Variants in NRXN3 observed in about 807,000 individuals in gnomAD.
NRXN3 encodes the protein neurexin III.
NRXN3 carries 32 observed loss-of-function variants against 137.6 expected under a neutral mutation model. The observed-to-expected ratio is 0.23, with a 90% CI of 0.18 to 0.31. The LOEUF is 0.31. Ranked by LOEUF, NRXN3 falls within the 10% of genes least tolerant of loss-of-function variation. The pLI is 1.00. For synonymous variants in NRXN3, 798 were observed against 784.5 expected, an observed-to-expected ratio of 1.02 and a Z score of -0.29; for missense variants, 1,574 against 2,062.5, an observed-to-expected ratio of 0.76 and a Z score of 4.59.
intron 14 of NRXN3, among the ~76,000 whole-genome samples, chr14:78,977,786 C>T (rs1404508129): frequency 3.3e-5 from 5 of 152,126 alleles, no homozygotes; most frequent in Non-Finnish European, 7.3e-5. Context: ...GGCACTGGCA[C>T]AGGAATTTCT....
intron 15 of NRXN3, among the ~76,000 whole-genome samples, chr14:79,329,842 AG>A (rs1218914862): frequency 1.5e-5 from 2 of 136,194 alleles, no homozygotes; most frequent in East Asian, 4.7e-4. Context: ...TGATCAAAAG[AG>A]TTTTTTTTTT....
intron 20 of NRXN3, among the ~76,000 whole-genome samples, chr14:79,859,000 A>T (rs995199856): frequency 2.9e-5 from 4 of 138,940 alleles, no homozygotes; most frequent in Admixed American, 1.5e-4. Flanking sequence ...AAAAAAAAAA[A>T]CAGGTGTCTG....
intron 6 of NRXN3, among the ~76,000 whole-genome samples, chr14:78,692,190 TA>T: frequency 6.6e-6 from 1 of 152,206 alleles, no homozygotes; most frequent in Non-Finnish European, 1.5e-5. Flanking sequence ...AATTAAGCTC[TA>T]AAGATTGAGG....
At chr14:78,512,038 A>G (rs1311659242) in intron 4 of NRXN3, among the ~76,000 whole-genome samples, 1 of 152,222 alleles carries the variant, frequency 6.6e-6, no homozygotes, top group Non-Finnish European at 1.5e-5. Flanking sequence ...ACTTATTGTC[A>G]TTATTAATAT....
intron 18 of NRXN3, among the ~76,000 whole-genome samples, chr14:79,696,933 G>A (rs192244361): frequency 1.1e-4 from 17 of 151,904 alleles, no homozygotes; most frequent in Non-Finnish European, 2.4e-4. Flanking sequence ...ATTTAGTTGT[G>A]GGACCATAAT....
chr14:79,262,001 A>G (rs2077679141), intron 15 of NRXN3, among the ~76,000 whole-genome samples: 1 of 152,078 alleles, frequency 6.6e-6, no homozygotes, highest in Non-Finnish European at 1.5e-5. Context: ...TGGAGCCCAG[A>G]TTATATTTCA....
At chr14:79,847,135 G>A (rs961887853) in intron 20 of NRXN3, among the ~76,000 whole-genome samples, 3 of 152,040 alleles carry the variant, frequency 2.0e-5, no homozygotes, top group African/African-American at 4.8e-5. Flanking sequence ...ACTGAGGCCC[G>A]GGCTACTCCA....
At position 79,376,214 on chromosome 14, in the gene NRXN3, GTATATATATATATATATATATATATA is replaced by G. The variant is rs1159913935; in HGVS notation, c.3263-90980_3263-90955del. ...CATGTGGGTGTGTGTGTGTGTGTAT[GTATATATATATATATATATATATATA>G]TATATATATATATATATATATATAT... On this transcript the variant is annotated intron_variant, in intron 15 of 20. Transcript: ENST00000335750. Among the ~76,000 whole-genome samples, 674 of 71,114 alleles carry G rather than the reference GTATATATATATATATATATATATATA, an allele frequency of 9.5e-3. 38 individuals are homozygous for G. In the East Asian group the frequency reaches 0.12, roughly 13 times the overall value. 46.7% of individuals were successfully genotyped at this position (71,114 alleles called of 152,430 possible). A position where few individuals can be genotyped will look rare whatever the true frequency, so the allele number is the denominator to read the frequency against.
intron 15 of NRXN3, among the ~76,000 whole-genome samples, chr14:79,018,150 C>G (rs555540223): frequency 2.1e-4 from 32 of 150,942 alleles, no homozygotes; most frequent in Admixed American, 4.6e-4. Context: ...ATCCCAGCTA[C>G]TCGGGAGGCT....
chr14:78,342,168 T>G (rs1366995581), intron 4 of NRXN3, among the ~76,000 whole-genome samples: 1 of 152,186 alleles, frequency 6.6e-6, no homozygotes, highest in Non-Finnish European at 1.5e-5. Flanking sequence ...GGGAGAGAGA[T>G]GTCACTGAGC....
chr14:78,455,653 C>A (rs1362151288), intron 4 of NRXN3, among the ~76,000 whole-genome samples: 14 of 152,132 alleles, frequency 9.2e-5, no homozygotes, highest in Admixed American at 8.5e-4. Context: ...CGTTTTTATT[C>A]TTTTCCAAGT....
intron 15 of NRXN3, among the ~76,000 whole-genome samples, chr14:79,112,417 C>T (rs2053687219): frequency 6.6e-6 from 1 of 152,214 alleles, no homozygotes; most frequent in South Asian, 2.1e-4. Context: ...ATATTGTGGA[C>T]AATAGATCTT....
intron 10 of NRXN3, among the ~76,000 whole-genome samples, chr14:78,935,556 A>T (rs2152887781): frequency 6.6e-6 from 1 of 152,322 alleles, no homozygotes; most frequent in Middle Eastern, 3.4e-3. Flanking sequence ...AATGCTATGT[A>T]CACAGTTGTT....
chr14:79,143,796 T>C (rs544073587), intron 15 of NRXN3, among the ~76,000 whole-genome samples: 86 of 152,306 alleles, frequency 5.6e-4, no homozygotes, highest in African/African-American at 1.8e-3. Context: ...ATTATTTATA[T>C]TAGCTAGATA....
At chr14:79,610,631 T>A (rs1257064830) in intron 16 of NRXN3, among the ~76,000 whole-genome samples, 1 of 152,190 alleles carries the variant, frequency 6.6e-6, no homozygotes, top group Non-Finnish European at 1.5e-5. Flanking sequence ...TACAGGTGCT[T>A]CATCAATATT....
chr14:79,352,664 A>G (rs879899162), intron 15 of NRXN3, among the ~76,000 whole-genome samples: 20 of 152,174 alleles, frequency 1.3e-4, no homozygotes, highest in Admixed American at 8.5e-4. Context: ...CCAAGATTTC[A>G]GAGCTAGACC....
At chr14:79,284,751 T>C (rs2081974031) in intron 15 of NRXN3, among the ~76,000 whole-genome samples, 1 of 152,036 alleles carries the variant, frequency 6.6e-6, no homozygotes, top group Non-Finnish European at 1.5e-5. Flanking sequence ...GTCCCAGGGA[T>C]CCACCCCCAA....
intron 16 of NRXN3, among the ~76,000 whole-genome samples, chr14:79,517,092 G>GCCCCC (rs35613259): frequency 8.0e-6 from 1 of 124,634 alleles, no homozygotes; most frequent in African/African-American, 3.4e-5. Context: ...CAAATGTACA[G>GCCCCC]CCCCCCCCCC....
rs369365783 is a variant in NRXN3, at chr14:79,774,942, A to ATG, written c.4015-30158_4015-30157dup. ...GGATTAAGTATGATATATATATAGT[A>ATG]TGTGTGTGTGTGTAGGTGTGTGTGT... On this transcript the variant is annotated intron_variant, in intron 19 of 20. Transcript: ENST00000335750. 7.8e-3 allele frequency among the ~76,000 whole-genome samples: 1,186 copies of ATG among 151,664 alleles called. 79 individuals are homozygous for ATG. The South Asian group carries it at 0.17, about 22-fold the overall frequency.
Sources: gnomAD v4.1 joint callset for allele counts (sites outside exome capture counted in the v4.1 genomes callset) on GRCh38, gnomAD v4.1.1 for gene constraint, MANE v1.5 for transcripts, NCBI Gene and HGNC (gene_info 2026-07-23, HGNC 2026-07-21) for gene names.